GRIP2: variants seen among roughly 807,000 people sequenced by gnomAD.
GRIP2 encodes glutamate receptor-interacting protein 2.
GRIP2 carries 58 observed loss-of-function variants against 108.3 expected under a neutral mutation model. The observed-to-expected ratio is 0.54, with a 90% confidence interval of 0.43 to 0.67. GRIP2 has a LOEUF of 0.67. GRIP2 is among the 30% of genes least tolerant of loss of function. The pLI is 0.00. For missense variants in GRIP2, 1,278 were observed against 1,430.6 expected (o/e 0.89, Z 1.72); for synonymous variants, 586 against 598.2 (o/e 0.98, Z 0.30).
At chr3:14,494,487 T>C (rs1432153579) in intron 23 of GRIP2, among the ~76,000 whole-genome samples, 2 of 152,206 alleles carry the variant, frequency 1.3e-5, no homozygotes, top group Non-Finnish European at 2.9e-5. Flanking sequence ...TGAGTGTTGC[T>C]TCTGGGTGAA....
At position 14,512,517 on chromosome 3, in the gene GRIP2, C is replaced by G. The variant is rs1378315704; in HGVS notation, c.1720+260G>C. ...TTCCAATGCTCTCTCACCATGGGCA[C>G]CTCACAAGCCCCCTGGGAGACCCAC... is the stretch of plus-strand genomic sequence containing the variant. On this transcript the variant is annotated intron_variant, in intron 14 of 23. Coordinates refer to ENST00000621039, the MANE Select transcript of GRIP2 (RefSeq NM_001080423.4). The surrounding 1 kb of genome is among the most constrained non-coding windows in gnomAD (Gnocchi z 5.1). Among the ~76,000 whole-genome samples the G allele has an allele frequency of 1.3e-5, 2 of 152,180 alleles. No individual in the cohort carries two copies. Among genetic ancestry groups the G allele is most frequent in the African/African-American group, 4.8e-5 (2 of 41,426 alleles).
At chr3:14,524,315 C>CTGGTGGG in intron 4 of GRIP2, 78 bp downstream of exon 4, 1 of 1,502,696 alleles carries the variant, frequency 6.7e-7, no homozygotes. Flanking sequence ...TCCCTGCCAC[C>CTGGTGGG]CAGGCCCTGG....
intron 1 of GRIP2, among the ~76,000 whole-genome samples, chr3:14,553,604 T>A (rs1176561947): frequency 6.6e-6 from 1 of 152,148 alleles, no homozygotes; most frequent in Admixed American, 6.5e-5. Context: ...GCCATGTGGC[T>A]CAGGGACCTC....
chr3:14,555,147 G>A (rs1695216047), intron 1 of GRIP2, among the ~76,000 whole-genome samples: 1 of 152,084 alleles, frequency 6.6e-6, no homozygotes, highest in South Asian at 2.1e-4. Context: ...CTGAGCATGT[G>A]TCCAGGGATG....
intron 21 of GRIP2, among the ~76,000 whole-genome samples, chr3:14,499,496 G>T (rs1212049396): frequency 1.9e-4 from 29 of 151,982 alleles, no homozygotes; most frequent in Non-Finnish European, 4.4e-5. Context: ...CGGGCGGATC[G>T]CCAGAGATCA....
rs749646204 is a variant in GRIP2 at position 14,506,958 on chromosome 3, C to T, written c.2241G>A (p.Ser747=). The T allele has an allele frequency of 1.3e-5, 21 of 1,605,472 alleles. 1 individual carries two copies. Among genetic ancestry groups the T allele is most frequent in the South Asian group, 4.5e-5 (4 of 89,238 alleles). The stretch of plus-strand genomic sequence containing the variant: ...CATCACTGGTCTCACTGAGGCTGCC[C>T]GACTTGCGGGGTAGGAGGGGACCTG... ...QLDRPLLPRK[S]GSLSETSDAD... Residue 747 remains serine, a synonymous_variant, in exon 19 of 24, where the codon TCG becomes TCA. Coordinates refer to ENST00000621039, the MANE Select transcript of GRIP2 (RefSeq NM_001080423.4).
the GRIP2 span, among the ~76,000 whole-genome samples, chr3:14,588,949 T>C: frequency 2.0e-4 from 31 of 152,018 alleles, no homozygotes; most frequent in East Asian, 5.2e-3. Context: ...AAAACCTGCC[T>C]CCATCCCTCT....
At chr3:14,558,093 C>T (rs13434045), upstream of GRIP2, among the ~76,000 whole-genome samples, 1 of 152,142 alleles carries the variant, frequency 6.6e-6, no homozygotes, top group African/African-American at 2.4e-5. Context: ...GAATCTGATG[C>T]GTTCCATGAA....
Position 14,493,755 on chromosome 3 carries a change from G to T in GRIP2, c.3042C>A (p.Val1014=), listed in dbSNP as rs1006120742. The change falls in exon 24 of 24, where the codon GTC becomes GTA. Residue 1014 remains valine, a synonymous_variant. Coordinates refer to ENST00000621039, the MANE Select transcript of GRIP2 (RefSeq NM_001080423.4). The stretch of plus-strand genomic sequence containing the variant: ...GCTTGCGGCTGATGATCAGCTCCAA[G>T]ACATCACCCGCCTCGGCCAGGAGTG... ...AVPLLAEAGD[V]LELIISRKPH... 1 of 1,611,790 alleles carries T rather than the reference G, an allele frequency of 6.2e-7. No individual in the cohort carries two copies. The highest frequency in any genetic ancestry group is 1.3e-5 in the African/African-American group (1 of 74,936).
the GRIP2 span, chr3:14,573,902 G>T: frequency 4.3e-6 from 5 of 1,162,346 alleles, no homozygotes; most frequent in East Asian, 2.4e-5. Context: ...CCGACCTGTC[G>T]TTGTGCATGC....
At chr3:14,595,239 G>T in the GRIP2 span, among the ~76,000 whole-genome samples, 1 of 152,070 alleles carries the variant, frequency 6.6e-6, no homozygotes, top group Non-Finnish European at 1.5e-5. Context: ...TGTTGCCCAG[G>T]CTGGTCTAGA....
chr3:14,561,788 A>C, the GRIP2 span, among the ~76,000 whole-genome samples: 2 of 152,176 alleles, frequency 1.3e-5, no homozygotes, highest in South Asian at 2.1e-4. Flanking sequence ...TCTAAATAAG[A>C]CCAAGGCCGC....
chr3:14,504,199 T>A (rs1236900952), intron 20 of GRIP2, among the ~76,000 whole-genome samples: 8 of 152,148 alleles, frequency 5.3e-5, no homozygotes, highest in Non-Finnish European at 1.0e-4. Context: ...GTTCCAACAC[T>A]GAGTCTCAGA....
intron 1 of GRIP2, among the ~76,000 whole-genome samples, chr3:14,532,046 G>A (rs1049010231): frequency 3.3e-5 from 5 of 152,182 alleles, no homozygotes; most frequent in African/African-American, 1.2e-4. Flanking sequence ...TTAGCCTAGT[G>A]TTAGCAGAAG....
rs911475420 is a variant in GRIP2 at position 14,522,774 on chromosome 3, CCT to C, written c.566+224_566+225del. 20 of 546,922 alleles carry C rather than the reference CCT, an allele frequency of 3.7e-5. No individual in the cohort carries two copies. Among genetic ancestry groups the C allele is most frequent in the Non-Finnish European group, 3.3e-6 (1 of 304,258 alleles). The allele number at this position is 546,922 out of a possible 1,614,324, so 33.9% of individuals were successfully genotyped here. A position where few individuals can be genotyped will look rare whatever the true frequency, so the allele number is the denominator to read the frequency against. On this transcript the variant is annotated intron_variant, in intron 6 of 23. Coordinates refer to ENST00000621039, the MANE Select transcript of GRIP2 (RefSeq NM_001080423.4). This position sits in a 1 kb window ranked among gnomAD's most constrained non-coding sequence, Gnocchi z 4.3. ...CTGCCCCTCTCCAAACACCCCAACC[CCT>C]GAGACAGCAGTATGTTGGGGAAGAA...
chr3:14,494,663 G>A (rs1403024464), intron 23 of GRIP2, among the ~76,000 whole-genome samples, 180 bp downstream of exon 23: 1 of 152,218 alleles, frequency 6.6e-6, no homozygotes, highest in Non-Finnish European at 1.5e-5. Context: ...AAGAAGAAAG[G>A]TCTGTGTGTG....
chr3:14,507,462 A>C lies in GRIP2; in HGVS notation c.2218+99T>G, dbSNP rs1693962744. On this transcript the variant is annotated intron_variant, in intron 18 of 23. Transcript: ENST00000621039. The surrounding 1 kb of genome is among the most constrained non-coding windows in gnomAD (Gnocchi z 4.6). ...CGCAGGCCCGCCTCCACAGGGCTGCAGTGAGGACTCTGTGAGGGTGTGCAG... is the reference window on the plus strand; with the variant it reads ...CGCAGGCCCGCCTCCACAGGGCTGCCGTGAGGACTCTGTGAGGGTGTGCAG... The C allele has an allele frequency of 2.1e-6, 3 of 1,431,714 alleles. No homozygotes were observed. Among genetic ancestry groups the C allele is most frequent in the Admixed American group, 1.8e-5 (1 of 56,360 alleles). 88.7% of individuals were successfully genotyped at this position (1,431,714 alleles called of 1,614,324 possible).
chr3:14,567,192 T>G, the GRIP2 span, among the ~76,000 whole-genome samples: 3 of 152,160 alleles, frequency 2.0e-5, no homozygotes, highest in African/African-American at 7.2e-5. Flanking sequence ...CACTCAGCAG[T>G]GAGGGCAAGG....
chr3:14,494,135 G>A (rs1693502926), intron 23 of GRIP2, among the ~76,000 whole-genome samples: 1 of 152,242 alleles, frequency 6.6e-6, no homozygotes, highest in African/African-American at 2.4e-5. Context: ...GCCTAGAACT[G>A]TGTGATGTGA....
Sources: gnomAD v4.1 joint callset for allele counts (sites outside exome capture counted in the v4.1 genomes callset) on GRCh38, gnomAD v4.1.1 for gene constraint, Gnocchi (gnomAD v3.1) non-coding constraint, MANE v1.5 for transcripts, NCBI Gene and HGNC (gene_info 2026-07-23, HGNC 2026-07-21) for gene names.